CTNND2: variants seen among roughly 807,000 people sequenced by gnomAD.
CTNND2 encodes the protein catenin delta-2.
In CTNND2, 22 loss-of-function variants were observed where a neutral mutation model predicts 144.4. The ratio of observed to expected loss-of-function variants is 0.15; its 90% confidence interval spans 0.11 to 0.22. CTNND2 has a LOEUF of 0.22. CTNND2 is among the 10% of genes least tolerant of loss of function. The probability of loss-of-function intolerance (pLI) is 1.00; values close to 1 mark genes in which losing one functional copy is unlikely to be tolerated. For missense variants in CTNND2, 1,353 were observed against 1,618.8 expected (o/e 0.84, Z 2.82); for synonymous variants, 751 against 695.6 (o/e 1.08, Z -1.25).
At chr5:11,623,830 A>ATATATT (rs1781004677) in intron 2 of CTNND2, among the ~76,000 whole-genome samples, 1 of 121,994 alleles carries the variant, frequency 8.2e-6, no homozygotes, top group Non-Finnish European at 1.7e-5. Flanking sequence ...ATATATATAT[A>ATATATT]TATATATATA....
At chr5:11,788,769 G>A (rs973252002) in intron 1 of CTNND2, among the ~76,000 whole-genome samples, 9 of 151,926 alleles carry the variant, frequency 5.9e-5, no homozygotes, top group Admixed American at 5.2e-4. Context: ...ATGTTGGTGT[G>A]CTGCACTCAT....
intron 9 of CTNND2, among the ~76,000 whole-genome samples, chr5:11,241,743 T>G (rs923850582): frequency 6.6e-6 from 1 of 152,162 alleles, no homozygotes; most frequent in African/African-American, 2.4e-5. Context: ...CCCAGAGAAA[T>G]AGCAGCAGGC....
chr5:11,055,863 C>A (rs1203787138), intron 16 of CTNND2, among the ~76,000 whole-genome samples: 1 of 152,206 alleles, frequency 6.6e-6, no homozygotes. Flanking sequence ...CCACAAGCCA[C>A]AGGCAGGGTT....
At position 11,861,320 on chromosome 5, in the gene CTNND2, C is replaced by T. The variant is rs571686306; in HGVS notation, c.37+42497G>A. On this transcript the variant is annotated intron_variant, in intron 1 of 21. Coordinates refer to ENST00000304623, the MANE Select transcript of CTNND2 (RefSeq NM_001332.4). The stretch of plus-strand genomic sequence containing the variant: ...AGCATAATACCACATAACAGAACCG[C>T]AAAATAAAAACATAACAAACATGAT... Among the ~76,000 whole-genome samples the T allele has an allele frequency of 3.3e-5, 5 of 152,256 alleles. No homozygotes were observed. The South Asian group carries it at 1.0e-3, about 32-fold the overall frequency.
In CTNND2 at chr5:11,472,205, T is replaced by C. The variant is rs541955343; in HGVS notation, c.288-60136A>G. 2.0e-4 allele frequency among the ~76,000 whole-genome samples: 31 copies of C among 152,308 alleles called. No individual in the cohort carries two copies. The South Asian group carries it at 5.4e-3, about 26-fold the overall frequency. On this transcript the variant is annotated intron_variant, in intron 3 of 21. Coordinates refer to ENST00000304623, the MANE Select transcript of CTNND2 (RefSeq NM_001332.4). ...AACTGTTGGACAACTTTACACTTAATAGAATCTCAACTGTTGTAAATTCTT... is the reference window on the plus strand; with the variant it reads ...AACTGTTGGACAACTTTACACTTAACAGAATCTCAACTGTTGTAAATTCTT...
chr5:11,643,189 G>A (rs1034189068), intron 2 of CTNND2, among the ~76,000 whole-genome samples: 5 of 151,638 alleles, frequency 3.3e-5, no homozygotes, highest in Admixed American at 1.3e-4. Flanking sequence ...ATGCTTGCAC[G>A]TTTTAGTTCA....
At chr5:11,279,658 G>C (rs1362226046) in intron 9 of CTNND2, among the ~76,000 whole-genome samples, 1 of 152,128 alleles carries the variant, frequency 6.6e-6, no homozygotes, top group African/African-American at 2.4e-5. Flanking sequence ...CCTGAGACTG[G>C]GTAATTTATA....
At chr5:11,419,126 G>T (rs1052367028) in intron 3 of CTNND2, among the ~76,000 whole-genome samples, 3 of 151,570 alleles carry the variant, frequency 2.0e-5, no homozygotes, top group Admixed American at 6.6e-5. Flanking sequence ...CAAGATGGTG[G>T]TGGTGGCTCT....
chr5:11,265,533 T>G (rs1745347002), intron 9 of CTNND2, among the ~76,000 whole-genome samples: 1 of 152,090 alleles, frequency 6.6e-6, no homozygotes, highest in Admixed American at 6.5e-5. Flanking sequence ...ACTCCTGTAT[T>G]ACTCAGTAGC....
intron 16 of CTNND2, among the ~76,000 whole-genome samples, chr5:11,059,403 G>A (rs968577659): frequency 6.6e-6 from 1 of 152,314 alleles, no homozygotes; most frequent in Middle Eastern, 3.4e-3. Context: ...CTCTTTGCCT[G>A]CTGCCATCCA....
chr5:11,364,957 G>A lies in CTNND2; in HGVS notation c.1178-67C>T, dbSNP rs530478250. The A allele has an allele frequency of 9.2e-5, 127 of 1,387,194 alleles. 1 individual carries two copies. Among genetic ancestry groups the A allele is most frequent in the South Asian group, 6.9e-4 (53 of 76,872 alleles). The allele number at this position is 1,387,194 out of a possible 1,614,324, so 85.9% of individuals were successfully genotyped here. The stretch of plus-strand genomic sequence containing the variant: ...TCCAAACAGAACTTGTTTAATCAAA[G>A]ACATATTCAAATTTTTTTGGACAAA... On this transcript the variant is annotated intron_variant, in intron 7 of 21. Transcript: ENST00000304623.
intron 18 of CTNND2, among the ~76,000 whole-genome samples, chr5:11,014,501 T>C (rs1202527040): frequency 6.6e-6 from 1 of 152,240 alleles, no homozygotes; most frequent in East Asian, 1.9e-4. Context: ...TGATGCATTC[T>C]TTAGCCTGCA....
intron 9 of CTNND2, among the ~76,000 whole-genome samples, chr5:11,302,655 G>C (rs1749738387): frequency 6.6e-6 from 1 of 152,166 alleles, no homozygotes; most frequent in Non-Finnish European, 1.5e-5. Flanking sequence ...TCCACTGTCA[G>C]GTAATGGAGA....
At chr5:11,280,259 T>C (rs920714300) in intron 9 of CTNND2, among the ~76,000 whole-genome samples, 1 of 152,176 alleles carries the variant, frequency 6.6e-6, no homozygotes, top group African/African-American at 2.4e-5. Context: ...ACCAACCTAC[T>C]AAAAGAAGAT....
chr5:11,058,994 T>C (rs1212919336), intron 16 of CTNND2, among the ~76,000 whole-genome samples: 1 of 152,200 alleles, frequency 6.6e-6, no homozygotes, highest in Non-Finnish European at 1.5e-5. Context: ...CTCTACCCCA[T>C]TGTATCTAGG....
At position 11,332,271 on chromosome 5, in the gene CTNND2, G is replaced by A. The variant is rs563258841; in HGVS notation, c.1628+14101C>T. 2.3e-3 allele frequency among the ~76,000 whole-genome samples: 317 copies of A among 137,986 alleles called. 2 individuals are homozygous for A. The South Asian group carries it at 0.026, about 11-fold the overall frequency. The allele number at this position is 137,986 out of a possible 152,430, so 90.5% of individuals were successfully genotyped here. ...CCCTGGGCAACAAGAGCTAAACTCCGTCTCAAAAAAAAAAAAAAAAAGGTG... is the reference window on the plus strand; with the variant it reads ...CCCTGGGCAACAAGAGCTAAACTCCATCTCAAAAAAAAAAAAAAAAAGGTG... On this transcript the variant is annotated intron_variant, in intron 9 of 21. Coordinates refer to ENST00000304623, the MANE Select transcript of CTNND2 (RefSeq NM_001332.4).
At chr5:11,573,620 A>C (rs1777751636) in intron 2 of CTNND2, among the ~76,000 whole-genome samples, 1 of 152,188 alleles carries the variant, frequency 6.6e-6, no homozygotes, top group Non-Finnish European at 1.5e-5. Flanking sequence ...CTCATTGGTG[A>C]GTCAGAAACT....
intron 3 of CTNND2, among the ~76,000 whole-genome samples, chr5:11,551,584 A>AT (rs891707296): frequency 2.5e-4 from 36 of 142,728 alleles, no homozygotes; most frequent in South Asian, 1.3e-3. Context: ...ACACCCAACT[A>AT]TTTTTTTTTG....
chr5:11,242,539 G>A (rs930169009), intron 9 of CTNND2, among the ~76,000 whole-genome samples: 3 of 152,180 alleles, frequency 2.0e-5, no homozygotes, highest in Non-Finnish European at 2.9e-5. Context: ...GATGGCACCC[G>A]TGGAAGGCGC....
Sources: allele counts gnomAD v4.1 joint callset (sites outside exome capture counted in the v4.1 genomes callset), GRCh38; gene constraint gnomAD v4.1.1; transcripts MANE v1.5; gene names NCBI Gene and HGNC (gene_info 2026-07-23, HGNC 2026-07-21).